Variants in GPSM1 observed in about 807,000 individuals in gnomAD.
GPSM1 encodes the protein G protein-signaling modulator 1.
A neutral mutation model predicts 70.5 loss-of-function variants in GPSM1; 48 were observed. The ratio of observed to expected loss-of-function variants is 0.68; its 90% CI spans 0.54 to 0.87. The LOEUF is 0.87. Among genes scored for constraint, GPSM1 ranks in the 40% least tolerant of loss-of-function variants. GPSM1 has a pLI of 0.00. For synonymous variants in GPSM1, 416 were observed against 430.1 expected (o/e 0.97, Z 0.41); for missense variants, 981 against 972.6 (o/e 1.01, Z -0.11).
chr9:136,358,524 C>A lies in GPSM1; in HGVS notation c.*304C>A. On this transcript the variant is annotated 3_prime_UTR_variant, in exon 14 of 14. Transcript: ENST00000440944. ...AGACTCCCGCATCCTCTCCCCCAAG[C>A]CCTTCCCGTTCTGCCCTGCCCTGCC... 1 of 516,328 alleles carries A rather than the reference C, an allele frequency of 1.9e-6. No homozygotes were observed. Among genetic ancestry groups the A allele is most frequent in the Admixed American group, 3.9e-5 (1 of 25,598 alleles). 32.0% of individuals were successfully genotyped at this position (516,328 alleles called of 1,614,324 possible). A position where few individuals can be genotyped will look rare whatever the true frequency, so the allele number is the denominator to read the frequency against.
intron 13 of GPSM1, among the ~76,000 whole-genome samples, chr9:136,356,879 G>T (rs1027252787): frequency 6.6e-6 from 1 of 152,178 alleles, no homozygotes; most frequent in Non-Finnish European, 1.5e-5. Context: ...TGGCCTCAGG[G>T]ATTCCCCACC....
At chr9:136,338,251 G>A (rs1441254197) in intron 6 of GPSM1, among the ~76,000 whole-genome samples, 2 of 152,228 alleles carry the variant, frequency 1.3e-5, no homozygotes, top group African/African-American at 4.8e-5. Context: ...CCTGTGCCCA[G>A]CCCTAAACTT....
chr9:136,343,669 T>C lies in GPSM1; in HGVS notation c.1207+2676T>C, dbSNP rs1832448004. Among the ~76,000 whole-genome samples the C allele has an allele frequency of 6.6e-6, 1 of 152,226 alleles. No homozygotes were observed. Among genetic ancestry groups the C allele is most frequent in the Non-Finnish European group, 1.5e-5 (1 of 68,036 alleles). ...AGCTGATCAAGTGACTTGACCCACTTGTGCCTCAGTGTCCCCATCTGGGGA... is the reference window on the plus strand; with the variant it reads ...AGCTGATCAAGTGACTTGACCCACTCGTGCCTCAGTGTCCCCATCTGGGGA... On this transcript the variant is annotated intron_variant, in intron 9 of 13. Transcript: ENST00000440944. This position sits in a 1 kb window ranked among gnomAD's most constrained non-coding sequence, Gnocchi z 6.0.
At chr9:136,338,453 T>C (rs1832303827) in intron 6 of GPSM1, 102 bp from the exon 7 acceptor site, 1 of 1,142,082 alleles carries the variant, frequency 8.8e-7, no homozygotes, top group Admixed American at 2.4e-5. Flanking sequence ...CCAGTGGGAT[T>C]CCGGGGCAGG....
At chr9:136,354,875 G>T in intron 11 of GPSM1, 1 of 1,013,606 alleles carries the variant, frequency 9.9e-7, no homozygotes, top group Non-Finnish European at 1.2e-6. Flanking sequence ...CACAGGGACA[G>T]GAGGCACGGG....
chr9:136,337,115 G>A (rs1446416497), intron 4 of GPSM1, 43 bp downstream of exon 4: 33 of 1,491,316 alleles, frequency 2.2e-5, no homozygotes, highest in Non-Finnish European at 2.8e-5. Flanking sequence ...GCTGGCCTGT[G>A]CGTTTCTGAG....
Position 136,356,454 on chromosome 9 carries a change from G to T in GPSM1, c.1725G>T (p.Gly575=). 6.2e-7 allele frequency: 1 copy of T among 1,611,724 alleles called. No homozygotes were observed. Among genetic ancestry groups the T allele is most frequent in the South Asian group, 1.1e-5 (1 of 91,026 alleles). ...DQRASVGSLP[G]LRITHSNAGH... ...GGGCCAGCGTGGGCAGCCTGCCGGG[G>T]CTGCGAATCACCCACAGCAATGCAG... Residue 575 remains glycine (G), a synonymous_variant, in exon 13 of 14, where the codon GGG becomes GGT. Coordinates refer to ENST00000440944, the MANE Select transcript of GPSM1 (RefSeq NM_001145638.3).
At chr9:136,332,839 CAAA>C (rs150554566) in intron 1 of GPSM1, among the ~76,000 whole-genome samples, 1,333 of 66,056 alleles carry the variant, frequency 0.02, 8 homozygotes, top group Non-Finnish European at 0.027. Context: ...CCATCTCTAC[CAAA>C]AAAAAAAAAA....
At position 136,337,297 on chromosome 9, in the gene GPSM1, G is replaced by A. The variant is rs182623256; in HGVS notation, c.579-144G>A. 2.8e-3 allele frequency: 3,685 copies of A among 1,307,158 alleles called. 9 individuals are homozygous for A. Among genetic ancestry groups the A allele is most frequent in the Non-Finnish European group, 3.4e-3 (3,336 of 973,170 alleles). 81.0% of individuals were successfully genotyped at this position (1,307,158 alleles called of 1,614,324 possible). ...GACCAAGCCCCAGGTCTCAGAGCTC[G>A]AGGACCCTGGAGCCTACCCTAGCCA... On this transcript the variant is annotated intron_variant, in intron 4 of 13. Transcript: ENST00000440944.
chr9:136,347,142 G>C (rs28562046), intron 9 of GPSM1, among the ~76,000 whole-genome samples: 38,630 of 152,004 alleles, frequency 0.25, 5,083 homozygotes, highest in African/African-American at 0.27. Flanking sequence ...AGCCTCTCGG[G>C]GGGATGAGTG....
chr9:136,358,374 C>G lies in GPSM1; in HGVS notation c.*154C>G. 1 of 716,222 alleles carries G rather than the reference C, an allele frequency of 1.4e-6. No individual in the cohort carries two copies. Among genetic ancestry groups the G allele is most frequent in the South Asian group, 1.8e-5 (1 of 56,502 alleles). 44.4% of individuals were successfully genotyped at this position (716,222 alleles called of 1,614,324 possible). A position where few individuals can be genotyped will look rare whatever the true frequency, so the allele number is the denominator to read the frequency against. ...CCCAGGGCGACAGGCTCAGGCCAAG[C>G]TGCCCGTGGTGGGAGGGCGTGCTTC... On this transcript the variant is annotated 3_prime_UTR_variant, in exon 14 of 14. Coordinates refer to ENST00000440944, the MANE Select transcript of GPSM1 (RefSeq NM_001145638.3).
rs782751529 is a variant in GPSM1 at position 136,341,056 on chromosome 9, G to A, written c.1207+63G>A. ...AGGCACGGACCGCATCAGGAGCTGC[G>A]GAGGGGTGGGATCGAGGCCAGGCCA... is the stretch of plus-strand genomic sequence containing the variant. On this transcript the variant is annotated intron_variant, in intron 9 of 13. Coordinates refer to ENST00000440944, the MANE Select transcript of GPSM1 (RefSeq NM_001145638.3). The surrounding 1 kb of genome is among the most constrained non-coding windows in gnomAD (Gnocchi z 6.7). 1.2e-5 allele frequency: 19 copies of A among 1,553,336 alleles called. No homozygotes were observed. Among genetic ancestry groups the A allele is most frequent in the South Asian group, 7.1e-5 (6 of 84,288 alleles).
intron 2 of GPSM1, 127 bp from the exon 3 acceptor site, chr9:136,335,839 T>G (rs1588692154): frequency 1.0e-6 from 1 of 953,990 alleles, no homozygotes; most frequent in East Asian, 2.6e-5. Flanking sequence ...CCTCAGGGGT[T>G]GCAGGCTCCT....
chr9:136,349,959 T>C (rs1832619717), intron 11 of GPSM1, among the ~76,000 whole-genome samples, 196 bp downstream of exon 11: 1 of 152,136 alleles, frequency 6.6e-6, no homozygotes, highest in Non-Finnish European at 1.5e-5. Flanking sequence ...TGTTTAGCAT[T>C]GTGGTCGCAC....
intron 11 of GPSM1, among the ~76,000 whole-genome samples, chr9:136,354,436 A>G (rs1832756008): frequency 6.6e-6 from 1 of 152,206 alleles, no homozygotes; most frequent in African/African-American, 2.4e-5. Flanking sequence ...AATTCCAGGC[A>G]GCATCGGGGA....
chr9:136,341,750 G>T lies in GPSM1; in HGVS notation c.1207+757G>T. On this transcript the variant is annotated intron_variant, in intron 9 of 13. Transcript: ENST00000440944. This position sits in a 1 kb window ranked among gnomAD's most constrained non-coding sequence, Gnocchi z 6.7. Reference sequence around the variant, plus strand: ...GCCCCCCAGGCCTGCTAAGGACCAGGCTGGGAACACCAGGCTTGGATGTGG... The same window carrying T: ...GCCCCCCAGGCCTGCTAAGGACCAGTCTGGGAACACCAGGCTTGGATGTGG... 1.0e-6 allele frequency: 1 copy of T among 985,786 alleles called. No individual in the cohort carries two copies. Among genetic ancestry groups the T allele is most frequent in the Non-Finnish European group, 1.2e-6 (1 of 830,328 alleles). 61.1% of individuals were successfully genotyped at this position (985,786 alleles called of 1,614,324 possible). A position where few individuals can be genotyped will look rare whatever the true frequency, so the allele number is the denominator to read the frequency against.
At chr9:136,356,292 G>C in intron 12 of GPSM1, 50 bp from the exon 13 acceptor site, 1 of 1,374,942 alleles carries the variant, frequency 7.3e-7, no homozygotes, top group South Asian at 1.4e-5. Context: ...CCCGAGCCTC[G>C]GGCTTGACCC....
Position 136,356,512 on chromosome 9 carries a change from C to A in GPSM1, c.1783C>A (p.Pro595Thr), listed in dbSNP as rs1450530210. The part of the protein sequence containing the change: ...HLRGHGEPQE[P>T]GDDFFNMLIK... ...CCGAGGCCACGGCGAGCCCCAGGAG[C>A]CGGGGGACGACTTCTTCAACATGCT... is the stretch of plus-strand genomic sequence containing the variant. The change falls in exon 13 of 14, where the codon CCG becomes ACG. Residue 595 changes from proline (P) to threonine (T), a missense_variant. By Grantham distance (38) the Pro-to-Thr change is conservative. Coordinates refer to ENST00000440944, the MANE Select transcript of GPSM1 (RefSeq NM_001145638.3). 9.9e-6 allele frequency: 16 copies of A among 1,611,940 alleles called. No individual in the cohort carries two copies. Among genetic ancestry groups the A allele is most frequent in the Non-Finnish European group, 1.2e-5 (14 of 1,179,332 alleles).
rs1487974777 is a variant in GPSM1 at position 136,336,905 on chromosome 9, T to A, written c.427-16T>A. 19 of 1,549,642 alleles carry A rather than the reference T, an allele frequency of 1.2e-5. No homozygotes were observed. Among genetic ancestry groups the A allele is most frequent in the Non-Finnish European group, 1.7e-5 (19 of 1,146,640 alleles). On this transcript the variant is annotated splice_polypyrimidine_tract_variant and intron_variant, in intron 3 of 13. Transcript: ENST00000440944. ...GGCCGTGGAGGCATGCCCCCAACCC[T>A]CCGTACTGCCCACAGGTTGGGGAGG...
Sources: allele counts gnomAD v4.1 joint callset (sites outside exome capture counted in the v4.1 genomes callset), GRCh38; gene constraint gnomAD v4.1.1; non-coding constraint Gnocchi (gnomAD v3.1); transcripts MANE v1.5; gene names NCBI Gene and HGNC (gene_info 2026-07-23, HGNC 2026-07-21).